Variants in EMCN observed in about 807,000 individuals in gnomAD.
EMCN encodes the protein MUC-14.
In EMCN, 37 loss-of-function variants were observed where a neutral mutation model predicts 38.4. The observed-to-expected ratio is 0.96, with a 90% CI of 0.74 to 1.27. EMCN has a LOEUF of 1.27. Among genes scored for constraint, EMCN ranks in the 50% most tolerant of loss-of-function variants. EMCN has a pLI of 0.00. For synonymous variants in EMCN, 95 were observed against 100.8 expected, an observed-to-expected ratio of 0.94 and a Z score of 0.35; for missense variants, 318 against 302.8, an observed-to-expected ratio of 1.05 and a Z score of -0.37.
At chr4:100,489,749 C>T (rs79669389) in intron 1 of EMCN, among the ~76,000 whole-genome samples, 5 of 152,072 alleles carry the variant, frequency 3.3e-5, no homozygotes, top group East Asian at 1.9e-4. Flanking sequence ...CAACCAAATG[C>T]GGTATTTCTG....
chr4:100,430,265 G>T (rs1727160274), intron 5 of EMCN, among the ~76,000 whole-genome samples: 1 of 152,106 alleles, frequency 6.6e-6, no homozygotes, highest in South Asian at 2.1e-4. Flanking sequence ...GTAAGTAGGT[G>T]GCAGAGCCAG....
intron 5 of EMCN, among the ~76,000 whole-genome samples, chr4:100,437,941 C>G (rs184674326): frequency 6.6e-6 from 1 of 151,788 alleles, no homozygotes; most frequent in East Asian, 1.9e-4. Flanking sequence ...GAAGAATGAC[C>G]TTGGGATTTT....
At chr4:100,475,167 T>A in intron 2 of EMCN, 58 bp from the exon 3 acceptor site, 1 of 891,898 alleles carries the variant, frequency 1.1e-6, no homozygotes, top group South Asian at 2.4e-5. Context: ...TATCTGTCAA[T>A]AAATAAAGTA....
In EMCN at chr4:100,415,915, G is replaced by C. The variant is rs757210939; in HGVS notation, c.734C>G (p.Thr245Arg). ...AAACTTACCAGACTCATGAGAAATT[G>C]TCTTAACGGTAAGAAGCTTCACGCT... ...KESVKLLTVK[T>R]ISHESGEHSA... Residue 245 changes from threonine to arginine, a missense_variant, in exon 10 of 12, where the codon ACA (threonine) becomes AGA (arginine). By Grantham distance (71) the Thr-to-Arg change is moderately conservative. Coordinates refer to ENST00000296420, the MANE Select transcript of EMCN (RefSeq NM_016242.4). 1.3e-6 allele frequency: 2 copies of C among 1,585,828 alleles called. No individual in the cohort carries two copies. Among genetic ancestry groups the C allele is most frequent in the South Asian group, 1.2e-5 (1 of 84,966 alleles).
At chr4:100,485,419 A>G (rs1728915762) in intron 1 of EMCN, among the ~76,000 whole-genome samples, 2 of 152,062 alleles carry the variant, frequency 1.3e-5, no homozygotes, top group Non-Finnish European at 2.9e-5. Flanking sequence ...GTTTGCATGT[A>G]ATGGCAATGC....
At chr4:100,439,045 C>T (rs1266817550) in intron 5 of EMCN, among the ~76,000 whole-genome samples, 2 of 151,974 alleles carry the variant, frequency 1.3e-5, no homozygotes, top group Non-Finnish European at 2.9e-5. Flanking sequence ...CATCTGCATT[C>T]GTCAGACAGA....
At chr4:100,405,479 T>C (rs1426459308) in intron 11 of EMCN, among the ~76,000 whole-genome samples, 1 of 152,156 alleles carries the variant, frequency 6.6e-6, no homozygotes, top group Non-Finnish European at 1.5e-5. Flanking sequence ...AAGATGATCA[T>C]GCAATTTTTG....
At chr4:100,431,533 A>G (rs1389713903) in intron 5 of EMCN, among the ~76,000 whole-genome samples, 1 of 152,064 alleles carries the variant, frequency 6.6e-6, no homozygotes, top group African/African-American at 2.4e-5. Context: ...TCTTTCCCTG[A>G]GTTAGGAGGC....
At chr4:100,508,101 C>A (rs1008599973) in intron 1 of EMCN, among the ~76,000 whole-genome samples, 1 of 152,164 alleles carries the variant, frequency 6.6e-6, no homozygotes, top group African/African-American at 2.4e-5. Flanking sequence ...GTTTGTTACA[C>A]AAAGGTTATG....
intron 5 of EMCN, among the ~76,000 whole-genome samples, chr4:100,425,390 C>A (rs76092114): frequency 1.3e-3 from 197 of 152,148 alleles, no homozygotes; most frequent in African/African-American, 4.6e-3. Flanking sequence ...ACTGTATTAT[C>A]CTACATTACT....
At chr4:100,418,903 C>A (rs1460777489) in intron 8 of EMCN, among the ~76,000 whole-genome samples, 2 of 152,080 alleles carry the variant, frequency 1.3e-5, no homozygotes, top group African/African-American at 4.8e-5. Context: ...AGCGTATATA[C>A]CCAGCAGCGG....
intron 5 of EMCN, among the ~76,000 whole-genome samples, chr4:100,444,260 C>G (rs1727603316): frequency 6.6e-6 from 1 of 152,166 alleles, no homozygotes. Context: ...CTGTCTGGCC[C>G]CAGAAATCAT....
At chr4:100,440,567 A>G (rs1235738639) in intron 5 of EMCN, among the ~76,000 whole-genome samples, 6 of 151,996 alleles carry the variant, frequency 3.9e-5, no homozygotes. Flanking sequence ...AAAAGACATT[A>G]TTTCACTCTT....
chr4:100,462,684 C>T (rs1454495429), intron 4 of EMCN, among the ~76,000 whole-genome samples: 3 of 152,090 alleles, frequency 2.0e-5, no homozygotes, highest in Non-Finnish European at 4.4e-5. Flanking sequence ...ATAGGTTCTA[C>T]TTATCAGAAA....
At chr4:100,426,308 A>G (rs545399018) in intron 5 of EMCN, among the ~76,000 whole-genome samples, 51 of 152,256 alleles carry the variant, frequency 3.3e-4, no homozygotes, top group African/African-American at 1.1e-3. Flanking sequence ...CTCCCAGCCA[A>G]TGAGTGGACC....
At chr4:100,478,156 C>T (rs11936927) in intron 2 of EMCN, among the ~76,000 whole-genome samples, 39,219 of 151,932 alleles carry the variant, frequency 0.26, 5,556 homozygotes, top group African/African-American at 0.36. Flanking sequence ...ATTTGCCTAA[C>T]GGCTTTCTCA....
At chr4:100,424,015 C>T (rs1188778496) in intron 5 of EMCN, among the ~76,000 whole-genome samples, 3 of 151,044 alleles carry the variant, frequency 2.0e-5, no homozygotes, top group Non-Finnish European at 4.4e-5. Flanking sequence ...TCTTTTTTTT[C>T]CAAGGAAAAT....
intron 5 of EMCN, among the ~76,000 whole-genome samples, chr4:100,430,415 C>A (rs1367555351): frequency 6.6e-5 from 10 of 152,120 alleles, no homozygotes; most frequent in African/African-American, 2.4e-4. Context: ...TCAATTTAGG[C>A]CTCAATCAAA....
intron 4 of EMCN, among the ~76,000 whole-genome samples, chr4:100,451,529 T>A (rs1434769494): frequency 1.3e-5 from 2 of 152,092 alleles, no homozygotes; most frequent in African/African-American, 4.8e-5. Flanking sequence ...CAGTATCTTG[T>A]CATATATTTA....
Sources: allele counts gnomAD v4.1 joint callset (sites outside exome capture counted in the v4.1 genomes callset), GRCh38; gene constraint gnomAD v4.1.1; transcripts MANE v1.5; gene names NCBI Gene and HGNC (gene_info 2026-07-23, HGNC 2026-07-21).